CAMK1D: variants seen among roughly 807,000 people sequenced by gnomAD.
CAMK1D encodes calcium/calmodulin dependent protein kinase ID.
CAMK1D carries 9 observed loss-of-function variants against 47.7 expected under a neutral mutation model. That is an observed-to-expected ratio of 0.19 (90% confidence interval 0.11 to 0.33). The LOEUF (loss-of-function observed/expected upper bound fraction) is 0.33. Ranked by LOEUF, CAMK1D falls within the 10% of genes least tolerant of loss-of-function variation. CAMK1D has a pLI of 1.00. For missense variants in CAMK1D, 291 were observed against 488.7 expected, an observed-to-expected ratio of 0.60 and a Z score of 3.81; for synonymous variants, 184 against 184.9, an observed-to-expected ratio of 0.99 and a Z score of 0.04.
chr10:12,632,851 C>G (rs570531079), intron 2 of CAMK1D, among the ~76,000 whole-genome samples: 1 of 152,106 alleles, frequency 6.6e-6, no homozygotes, highest in Non-Finnish European at 1.5e-5. Context: ...CGCACCACCA[C>G]GCCCAGCTAA....
chr10:12,492,036 C>T (rs1834399815), intron 1 of CAMK1D, among the ~76,000 whole-genome samples: 1 of 152,230 alleles, frequency 6.6e-6, no homozygotes, highest in African/African-American at 2.4e-5. Flanking sequence ...CTGCCCACCT[C>T]AGCCTCCCAA....
chr10:12,449,409 T>G (rs746633462), intron 1 of CAMK1D, among the ~76,000 whole-genome samples: 1 of 151,610 alleles, frequency 6.6e-6, no homozygotes, highest in Admixed American at 6.6e-5. Flanking sequence ...ACTAACCAGC[T>G]GTGTATACCC....
chr10:12,391,889 GAAA>G (rs1164359956), intron 1 of CAMK1D, among the ~76,000 whole-genome samples: 4 of 151,914 alleles, frequency 2.6e-5, no homozygotes, highest in African/African-American at 9.7e-5. Flanking sequence ...TCATATAACT[GAAA>G]ATGGTGAAAT....
chr10:12,743,367 G>GAA (rs1406017878), intron 3 of CAMK1D, among the ~76,000 whole-genome samples: 1 of 138,662 alleles, frequency 7.2e-6, no homozygotes, highest in African/African-American at 2.9e-5. Context: ...AAAGAAAAAA[G>GAA]AAAAAAAGAA....
In CAMK1D at chr10:12,767,700, A is replaced by G. The variant is rs117952950; in HGVS notation, c.439-1973A>G. Among the ~76,000 whole-genome samples the G allele has an allele frequency of 4.1e-3, 632 of 152,324 alleles. 9 individuals carry two copies. In the East Asian group the frequency reaches 0.058, roughly 14 times the overall value. On this transcript the variant is annotated intron_variant, in intron 4 of 10. Transcript: ENST00000619168. ...GCAGAGGCTTCCAGGTCTTAGGTAG[A>G]TAAGAGACAAAGAGTTGCTTTCTTT... is the stretch of plus-strand genomic sequence containing the variant.
At chr10:12,740,533 G>T (rs1251965718) in intron 3 of CAMK1D, among the ~76,000 whole-genome samples, 1 of 152,188 alleles carries the variant, frequency 6.6e-6, no homozygotes, top group African/African-American at 2.4e-5. Context: ...GGGAGGTGGA[G>T]ATTACAGTGA....
At chr10:12,826,252 G>A (rs1024093944) in intron 10 of CAMK1D, 2 of 153,246 alleles carry the variant, frequency 1.3e-5, no homozygotes, top group Admixed American at 1.3e-4. Context: ...CTGGATAAAG[G>A]CCTGGACTCT....
intron 1 of CAMK1D, among the ~76,000 whole-genome samples, chr10:12,522,470 C>A (rs935816863): frequency 6.7e-6 from 1 of 149,910 alleles, no homozygotes; most frequent in African/African-American, 2.5e-5. Context: ...TCCATTTAAC[C>A]CTGAGTGGAC....
intron 3 of CAMK1D, among the ~76,000 whole-genome samples, chr10:12,691,401 ATAAATATATATATATATATATTTTTT>A (rs1832910811): frequency 2.8e-4 from 2 of 7,112 alleles, no homozygotes; most frequent in Admixed American, 1.9e-3. Flanking sequence ...ATATATATAT[ATAAATATATATATATATATATTTTTT>A]TTTTTTTTTT....
chr10:12,550,600 G>C (rs184256763), intron 1 of CAMK1D, among the ~76,000 whole-genome samples: 1 of 152,356 alleles, frequency 6.6e-6, no homozygotes, highest in Admixed American at 6.5e-5. Context: ...GTATCCCTCT[G>C]TGATAAACCT....
intron 3 of CAMK1D, among the ~76,000 whole-genome samples, chr10:12,739,017 G>T (rs114023529): frequency 1.3e-5 from 2 of 152,010 alleles, no homozygotes; most frequent in African/African-American, 4.8e-5. Flanking sequence ...ATGGTGGATC[G>T]CTTGAGCCGA....
intron 1 of CAMK1D, among the ~76,000 whole-genome samples, chr10:12,523,089 G>A (rs1309333143): frequency 6.6e-6 from 1 of 150,932 alleles, no homozygotes; most frequent in African/African-American, 2.4e-5. Flanking sequence ...CCGGGTGGAG[G>A]GGCTCCTCAC....
chr10:12,487,232 C>T (rs1392250022), intron 1 of CAMK1D, among the ~76,000 whole-genome samples: 1 of 152,138 alleles, frequency 6.6e-6, no homozygotes, highest in Non-Finnish European at 1.5e-5. Context: ...CATATGTTCT[C>T]ATCATTTTAG....
At chr10:12,472,939 G>A (rs1833791943) in intron 1 of CAMK1D, among the ~76,000 whole-genome samples, 1 of 152,208 alleles carries the variant, frequency 6.6e-6, no homozygotes, top group African/African-American at 2.4e-5. Context: ...TCCTTACCCA[G>A]GGAGCCAGGG....
intron 4 of CAMK1D, among the ~76,000 whole-genome samples, chr10:12,761,316 C>G (rs1352283268): frequency 6.6e-6 from 1 of 152,196 alleles, no homozygotes; most frequent in East Asian, 1.9e-4. Context: ...GAGATTTTTA[C>G]AACCATTATG....
intron 1 of CAMK1D, among the ~76,000 whole-genome samples, chr10:12,466,204 G>A (rs565531296): frequency 1.3e-5 from 2 of 152,036 alleles, no homozygotes; most frequent in East Asian, 1.9e-4. Flanking sequence ...TCAGGAGATC[G>A]AGCCCATCCT....
chr10:12,683,182 G>T (rs1023673218), intron 3 of CAMK1D, among the ~76,000 whole-genome samples: 3 of 151,312 alleles, frequency 2.0e-5, no homozygotes, highest in African/African-American at 4.9e-5. Context: ...CGCCTCCCCA[G>T]TTGAAGTGTT....
chr10:12,627,645 A>ATT (rs898890235), intron 2 of CAMK1D, among the ~76,000 whole-genome samples: 15 of 151,110 alleles, frequency 9.9e-5, no homozygotes, highest in African/African-American at 3.6e-4. Flanking sequence ...CATAGAGCAC[A>ATT]TTTTTTTTTG....
rs1352978554 is a variant in CAMK1D at position 12,486,161 on chromosome 10, CT to C, written c.93-67063del. ...TCTATGAGTCTTGGGACTTGCCAGT[CT>C]CTTTTTTTTTTTTTGAGACAGAGTC... On this transcript the variant is annotated intron_variant, in intron 1 of 10. Coordinates refer to ENST00000619168, the MANE Select transcript of CAMK1D (RefSeq NM_153498.4). 1.3e-4 allele frequency among the ~76,000 whole-genome samples: 10 copies of C among 76,968 alleles called. No individual in the cohort carries two copies. In the East Asian group the frequency reaches 9.3e-3, roughly 71 times the overall value. 50.5% of individuals were successfully genotyped at this position (76,968 alleles called of 152,430 possible).
Sources: gnomAD v4.1 joint callset for allele counts (sites outside exome capture counted in the v4.1 genomes callset) on GRCh38, gnomAD v4.1.1 for gene constraint, MANE v1.5 for transcripts, NCBI Gene and HGNC (gene_info 2026-07-23, HGNC 2026-07-21) for gene names.